Variants in STXBP2 observed in about 807,000 individuals in gnomAD.
The protein encoded by STXBP2 is syntaxin binding protein 2.
Under a neutral mutation model 72.2 loss-of-function variants are expected in STXBP2, and 47 were observed. That is an observed-to-expected ratio of 0.65 (90% CI 0.51 to 0.83). STXBP2 has a LOEUF of 0.83. Among genes scored for constraint, STXBP2 ranks in the 40% least tolerant of loss-of-function variants. STXBP2 has a pLI of 0.00. For synonymous variants in STXBP2, 367 were observed against 338.7 expected (o/e 1.08, Z -0.92); for missense variants, 702 against 807.6 (o/e 0.87, Z 1.58).
chr19:7,645,849 T>G, intron 15 of STXBP2: 2 of 350,204 alleles, frequency 5.7e-6, no homozygotes, highest in East Asian at 9.3e-5. Flanking sequence ...CACCCTTCTC[T>G]CTGCCTTCCC....
At chr19:7,631,896 C>A, upstream of STXBP2, 1 of 1,207,716 alleles carries the variant, frequency 8.3e-7, no homozygotes, top group Non-Finnish European at 1.1e-6. Flanking sequence ...GTGCAGGTAG[C>A]CACCGTGTCC....
chr19:7,640,861 G>T (rs1207186095), intron 5 of STXBP2, 39 bp from the exon 6 acceptor site: 1 of 1,613,782 alleles, frequency 6.2e-7, no homozygotes. Context: ...AGGTGTGGGG[G>T]CTGCTCTGGC....
intron 4 of STXBP2, 195 bp downstream of exon 4, chr19:7,640,002 ATGTATGTGTC>A (rs2031741132): frequency 1.5e-6 from 1 of 668,014 alleles, no homozygotes; most frequent in African/African-American, 2.0e-5. Flanking sequence ...ATGTGTGTCT[ATGTATGTGTC>A]TGTGTGCATG....
chr19:7,631,257 G>A, the STXBP2 span: 1 of 1,403,708 alleles, frequency 7.1e-7, no homozygotes, highest in Non-Finnish European at 9.3e-7. Flanking sequence ...CGAGAGCAGA[G>A]GAGTAGATGG....
chr19:7,636,088 T>C (rs1393681767), upstream of STXBP2, among the ~76,000 whole-genome samples: 1 of 152,146 alleles, frequency 6.6e-6, no homozygotes, highest in Non-Finnish European at 1.5e-5. Context: ...GTGGCACTTG[T>C]TGTCACATTA....
At position 7,639,893 on chromosome 19, in the gene STXBP2, T is replaced by TGTGTGCATGTGTATAC. The variant is rs746844169; in HGVS notation, c.246+99_246+114dup. 2.9e-6 allele frequency: 4 copies of TGTGTGCATGTGTATAC among 1,398,600 alleles called. No homozygotes were observed. The African/African-American group carries it at 5.7e-5, about 20-fold the overall frequency. 86.6% of individuals were successfully genotyped at this position (1,398,600 alleles called of 1,614,324 possible). A position where few individuals can be genotyped will look rare whatever the true frequency, so the allele number is the denominator to read the frequency against. Reference sequence around the variant, plus strand: ...GTATGTCTGCATGCATGTGATTGCATGTGTGCATGTGTATACGTGTGCATG... The same window carrying TGTGTGCATGTGTATAC: ...GTATGTCTGCATGCATGTGATTGCATGTGTGCATGTGTATACGTGTGCATGTGTATACGTGTGCATG... On this transcript the variant is annotated intron_variant, in intron 4 of 18. Transcript: ENST00000221283.
intron 4 of STXBP2, 155 bp downstream of exon 4, chr19:7,639,962 ATC>A (rs1250246494): frequency 6.1e-6 from 5 of 822,392 alleles, no homozygotes; most frequent in African/African-American, 3.5e-5. Flanking sequence ...GTGTGTGTGC[ATC>A]TGTGTATGCA....
upstream of STXBP2, chr19:7,636,650 C>A (rs2146201687): frequency 2.0e-5 from 3 of 151,314 alleles, no homozygotes; most frequent in Middle Eastern, 6.5e-3. Context: ...GGTGCCTGCA[C>A]ACAAGAGGTC....
At chr19:7,632,713 C>T (rs767150890), upstream of STXBP2, 1 of 1,556,458 alleles carries the variant, frequency 6.4e-7, no homozygotes, top group Non-Finnish European at 8.6e-7. The surrounding 1 kb of genome is among the most constrained non-coding windows in gnomAD (Gnocchi z 5.2). Context: ...TGCCCATGCT[C>T]ACGGCTCTTG....
At position 7,643,225 on chromosome 19, in the gene STXBP2, A is replaced by C; in HGVS notation, c.1087A>C (p.Lys363Gln). 2 of 1,613,742 alleles carry C rather than the reference A, an allele frequency of 1.2e-6. No homozygotes were observed. The highest frequency in any genetic ancestry group is 1.7e-6 in the Non-Finnish European group (2 of 1,179,988). Reference protein sequence around the residue: ...CMKHFKGSVEKLCSVEQDLAM... With the variant: ...CMKHFKGSVEQLCSVEQDLAM... ...GAAGCACTTCAAGGGCTCGGTGGAGAAGCTGTGTAGTGTGGAGCAGGTGGG... is the reference window on the plus strand; with the variant it reads ...GAAGCACTTCAAGGGCTCGGTGGAGCAGCTGTGTAGTGTGGAGCAGGTGGG... Residue 363 changes from lysine to glutamine, a missense_variant, in exon 13 of 19, where the codon AAG becomes CAG. Coordinates refer to ENST00000221283, the MANE Select transcript of STXBP2 (RefSeq NM_006949.4).
Position 7,640,036 on chromosome 19 carries a change from G to GTCTGTGTGTGCA in STXBP2, c.246+231_246+242dup, listed in dbSNP as rs780810145. ...TCTGTGTGCATGTGCATGTGTGTGC[G>GTCTGTGTGTGCA]TCTGTGTGTGCATTTGTGTGTATGT... On this transcript the variant is annotated intron_variant, in intron 4 of 18. Coordinates refer to ENST00000221283, the MANE Select transcript of STXBP2 (RefSeq NM_006949.4). The GTCTGTGTGTGCA allele has an allele frequency of 3.2e-3, 2,130 of 660,230 alleles. 30 individuals are homozygous for GTCTGTGTGTGCA. Among genetic ancestry groups the GTCTGTGTGTGCA allele is most frequent in the African/African-American group, 0.03 (1,666 of 55,868 alleles). 40.9% of individuals were successfully genotyped at this position (660,230 alleles called of 1,614,324 possible). A position where few individuals can be genotyped will look rare whatever the true frequency, so the allele number is the denominator to read the frequency against.
At chr19:7,637,041 C>A, upstream of STXBP2, 2 of 1,173,890 alleles carry the variant, frequency 1.7e-6, no homozygotes, top group Non-Finnish European at 2.1e-6. Flanking sequence ...GCCAGGTGCG[C>A]AGGGGGCGGG....
chr19:7,643,085 C>T, intron 12 of STXBP2, 37 bp downstream of exon 12: 1 of 1,613,922 alleles, frequency 6.2e-7, no homozygotes, highest in Non-Finnish European at 8.5e-7. Context: ...GACACCTCGG[C>T]CCCTCAACCC....
At chr19:7,641,172 C>T (rs1490585695) in intron 6 of STXBP2, 169 bp downstream of exon 6, 1 of 736,864 alleles carries the variant, frequency 1.4e-6, no homozygotes, top group Non-Finnish European at 2.4e-6. Flanking sequence ...TGAGACCAGC[C>T]TGGGTACAGA....
At chr19:7,645,625 A>T (rs2032103741) in intron 15 of STXBP2, among the ~76,000 whole-genome samples, 1 of 151,846 alleles carries the variant, frequency 6.6e-6, no homozygotes, top group Admixed American at 6.6e-5. Flanking sequence ...GGGCTACACC[A>T]CATTGTCTAT....
chr19:7,637,097 A>T (rs907655070), upstream of STXBP2: 4 of 1,234,884 alleles, frequency 3.2e-6, no homozygotes, highest in Admixed American at 1.7e-4. Context: ...GCGCGGGGCC[A>T]CGCCCCCACC....
At chr19:7,633,701 G>C (rs1020618976), upstream of STXBP2, 2 of 559,024 alleles carry the variant, frequency 3.6e-6, no homozygotes, top group African/African-American at 3.8e-5. Context: ...GGACCTCGCT[G>C]TGCCCAGCAG....
At chr19:7,631,753 TGA>T in the STXBP2 span, 1 of 1,437,780 alleles carries the variant, frequency 7.0e-7, no homozygotes. Flanking sequence ...GGTCGGGTCC[TGA>T]GGGGTGAGCA....
Position 7,647,812 on chromosome 19 carries a change from C to G in STXBP2, c.*2C>G, listed in dbSNP as rs1450347299. 16 of 1,607,490 alleles carry G rather than the reference C, an allele frequency of 1.0e-5. No homozygotes were observed. Among genetic ancestry groups the G allele is most frequent in the Non-Finnish European group, 1.2e-5 (14 of 1,175,950 alleles). Reference sequence around the variant, plus strand: ...CTGGAGGACATTGCCCTGCCCTGACCCCTGGCCCCGCCCCCTACCCCTCCC... The same window carrying G: ...CTGGAGGACATTGCCCTGCCCTGACGCCTGGCCCCGCCCCCTACCCCTCCC... On this transcript the variant is annotated 3_prime_UTR_variant, in exon 19 of 19. Coordinates refer to ENST00000221283, the MANE Select transcript of STXBP2 (RefSeq NM_006949.4).
Sources: allele counts gnomAD v4.1 joint callset (sites outside exome capture counted in the v4.1 genomes callset), GRCh38; gene constraint gnomAD v4.1.1; non-coding constraint Gnocchi (gnomAD v3.1); transcripts MANE v1.5; gene names NCBI Gene and HGNC (gene_info 2026-07-23, HGNC 2026-07-21).